Variants in PRKAG2 observed in about 807,000 individuals in gnomAD.
PRKAG2 encodes the protein protein kinase AMP-activated non-catalytic subunit gamma 2, also known as 5'-AMP-activated protein kinase subunit gamma-2.
In PRKAG2, 26 loss-of-function variants were observed where a neutral mutation model predicts 69.6. That is an observed-to-expected ratio of 0.37 (90% confidence interval 0.27 to 0.52). PRKAG2 has a LOEUF of 0.52. Among genes scored for constraint, PRKAG2 ranks in the 20% least tolerant of loss-of-function variants. The pLI, the probability that PRKAG2 is intolerant of heterozygous loss-of-function variation, is 0.90. For synonymous variants in PRKAG2, 293 were observed against 285.0 expected (o/e 1.03, Z -0.28); for missense variants, 557 against 740.0 (o/e 0.75, Z 2.87).
intron 1 of PRKAG2, among the ~76,000 whole-genome samples, chr7:151,796,618 C>T (rs2077549967): frequency 6.6e-6 from 1 of 152,188 alleles, no homozygotes; most frequent in African/African-American, 2.4e-5. Flanking sequence ...GGGCCTGTCT[C>T]CTGCCACACC....
chr7:151,634,945 T>TG (rs201273585), intron 4 of PRKAG2, among the ~76,000 whole-genome samples: 2 of 142,126 alleles, frequency 1.4e-5, no homozygotes, highest in African/African-American at 2.9e-5. Flanking sequence ...CACTGTTTTT[T>TG]TTTTTTTTTT....
At chr7:151,860,145 T>C (rs1037101227) in intron 1 of PRKAG2, among the ~76,000 whole-genome samples, 11 of 152,296 alleles carry the variant, frequency 7.2e-5, no homozygotes, top group Admixed American at 7.2e-4. Flanking sequence ...TTCATCCACC[T>C]TCCATTAAGC....
At chr7:151,848,567 C>G (rs555746895) in intron 1 of PRKAG2, among the ~76,000 whole-genome samples, 2 of 120,478 alleles carry the variant, frequency 1.7e-5, no homozygotes, top group Non-Finnish European at 3.2e-5. Context: ...TCTTGTTGCC[C>G]AGGCTGGAGG....
intron 1 of PRKAG2, among the ~76,000 whole-genome samples, chr7:151,863,135 GGGCACTGGTA>G (rs919551437): frequency 6.6e-6 from 1 of 151,292 alleles, no homozygotes; most frequent in African/African-American, 2.4e-5. Flanking sequence ...CGGGTACAGG[GGGCACTGGTA>G]GACCCCAGGG....
intron 5 of PRKAG2, among the ~76,000 whole-genome samples, chr7:151,607,610 G>C (rs536244755): frequency 8.5e-5 from 13 of 152,194 alleles, no homozygotes; most frequent in African/African-American, 2.9e-4. Context: ...TATCATTCAA[G>C]GTTCTAGAAC....
At chr7:151,690,415 T>C (rs1439146781) in intron 3 of PRKAG2, among the ~76,000 whole-genome samples, 2 of 152,094 alleles carry the variant, frequency 1.3e-5, no homozygotes, top group Non-Finnish European at 2.9e-5. Context: ...CAAGATGCCC[T>C]GCCTCCCCTT....
rs951893187 is a variant in PRKAG2, at chr7:151,595,316, A to G, written c.864+29T>C. 1.9e-6 allele frequency: 3 copies of G among 1,571,400 alleles called. No homozygotes were observed. The African/African-American group carries it at 4.0e-5, about 21-fold the overall frequency. Reference sequence around the variant, plus strand: ...AGTAGTAGCCATCCAAAAAATACCAAAAAATTCATGAAAATGGAGTACACT... The same window carrying G: ...AGTAGTAGCCATCCAAAAAATACCAGAAAATTCATGAAAATGGAGTACACT... On this transcript the variant is annotated intron_variant, in intron 6 of 15. Coordinates refer to ENST00000287878, the MANE Select transcript of PRKAG2 (RefSeq NM_016203.4).
chr7:151,604,419 T>C (rs1816983899), intron 5 of PRKAG2, among the ~76,000 whole-genome samples: 2 of 152,158 alleles, frequency 1.3e-5, no homozygotes, highest in Admixed American at 1.3e-4. Context: ...GGAGGAGCCC[T>C]GGAGGCTAGG....
rs556746195 is a variant in PRKAG2, at chr7:151,583,997, T to G, written c.865-7545A>C. The stretch of plus-strand genomic sequence containing the variant: ...CAGCTTCACTCTGATTTTCAGTAAT[T>G]AAGTTGACTGTGAAGCTTTTAAAAT... On this transcript the variant is annotated intron_variant, in intron 6 of 15. Transcript: ENST00000287878. The surrounding 1 kb of genome is among the most constrained non-coding windows in gnomAD (Gnocchi z 4.1). 6.6e-6 allele frequency among the ~76,000 whole-genome samples: 1 copy of G among 152,302 alleles called. No individual in the cohort carries two copies. Among genetic ancestry groups the G allele is most frequent in the African/African-American group, 2.4e-5 (1 of 41,576 alleles).
chr7:151,584,553 C>T (rs922729552), intron 6 of PRKAG2, among the ~76,000 whole-genome samples: 4 of 152,010 alleles, frequency 2.6e-5, no homozygotes, highest in African/African-American at 9.7e-5. Flanking sequence ...AAGATCAACT[C>T]GGGGGTCTCA....
chr7:151,758,691 G>A (rs1010971841), intron 3 of PRKAG2, among the ~76,000 whole-genome samples: 1 of 152,170 alleles, frequency 6.6e-6, no homozygotes, highest in African/African-American at 2.4e-5. Context: ...GGTATGAACT[G>A]GAAGAGCTTG....
chr7:151,813,016 A>T (rs957972973), intron 1 of PRKAG2, among the ~76,000 whole-genome samples: 13 of 151,744 alleles, frequency 8.6e-5, no homozygotes, highest in Non-Finnish European at 1.2e-4. Context: ...AGCAGCTGGA[A>T]GGTGAGAAAC....
At chr7:151,826,903 A>G (rs1174545475) in intron 1 of PRKAG2, among the ~76,000 whole-genome samples, 1 of 152,252 alleles carries the variant, frequency 6.6e-6, no homozygotes, top group Non-Finnish European at 1.5e-5. Flanking sequence ...TATTGCACAC[A>G]TACATCACGG....
intron 6 of PRKAG2, among the ~76,000 whole-genome samples, chr7:151,590,404 A>T (rs1812772766): frequency 6.6e-6 from 1 of 152,220 alleles, no homozygotes; most frequent in Non-Finnish European, 1.5e-5. Context: ...TGGTGGCATC[A>T]CCAGGTTTGA....
intron 1 of PRKAG2, chr7:151,790,412 G>C (rs2077218926): frequency 6.6e-6 from 1 of 152,174 alleles, no homozygotes; most frequent in Admixed American, 6.5e-5. Flanking sequence ...TTTATTACCA[G>C]ACTGATAATC....
intron 5 of PRKAG2, among the ~76,000 whole-genome samples, chr7:151,623,946 T>G (rs911699427): frequency 6.6e-6 from 1 of 152,150 alleles, no homozygotes; most frequent in African/African-American, 2.4e-5. Flanking sequence ...CAATGAAACA[T>G]TCCACTTCCA....
chr7:151,686,121 C>T (rs369981505), intron 3 of PRKAG2, among the ~76,000 whole-genome samples: 1 of 152,044 alleles, frequency 6.6e-6, no homozygotes, highest in Non-Finnish European at 1.5e-5. Context: ...GGCTTCAGTT[C>T]TCAAACCTGG....
At chr7:151,591,103 T>G (rs1677792383) in intron 6 of PRKAG2, among the ~76,000 whole-genome samples, 1 of 152,206 alleles carries the variant, frequency 6.6e-6, no homozygotes, top group South Asian at 2.1e-4. Flanking sequence ...CTGGAGCCCC[T>G]GAGGAATGTA....
At chr7:151,586,423 G>C (rs1190145284) in intron 6 of PRKAG2, among the ~76,000 whole-genome samples, 1 of 152,104 alleles carries the variant, frequency 6.6e-6, no homozygotes, top group Non-Finnish European at 1.5e-5. Flanking sequence ...TGCTTTTTGA[G>C]AAATCTATCT....
Sources: gnomAD v4.1 joint callset for allele counts (sites outside exome capture counted in the v4.1 genomes callset) on GRCh38, gnomAD v4.1.1 for gene constraint, Gnocchi (gnomAD v3.1) non-coding constraint, MANE v1.5 for transcripts, NCBI Gene and HGNC (gene_info 2026-07-23, HGNC 2026-07-21) for gene names.